DPP10: variants seen among roughly 807,000 people sequenced by gnomAD.
The protein encoded by DPP10 is inactive dipeptidyl peptidase 10.
A neutral mutation model predicts 120.9 loss-of-function variants in DPP10; 33 were observed. That is an observed-to-expected ratio of 0.27 (90% CI 0.21 to 0.37). DPP10 has a LOEUF of 0.37. DPP10 is among the 10% of genes least tolerant of loss of function. DPP10 has a pLI of 1.00. For synonymous variants in DPP10, 337 were observed against 326.1 expected (o/e 1.03, Z -0.36); for missense variants, 816 against 942.8 (o/e 0.87, Z 1.76).
intron 1 of DPP10, among the ~76,000 whole-genome samples, chr2:115,019,491 A>G (rs1023182576): frequency 6.6e-6 from 1 of 152,200 alleles, no homozygotes; most frequent in African/African-American, 2.4e-5. Flanking sequence ...ATTAAAAAAA[A>G]TGAACAAGGC....
At chr2:115,313,126 G>A (rs2061652035) in intron 2 of DPP10, among the ~76,000 whole-genome samples, 1 of 152,122 alleles carries the variant, frequency 6.6e-6, no homozygotes, top group Admixed American at 6.5e-5. Flanking sequence ...GGGAGGCTGA[G>A]GCAGGAGAAT....
chr2:115,552,922 G>C (rs1303598945), intron 5 of DPP10, among the ~76,000 whole-genome samples: 3 of 151,936 alleles, frequency 2.0e-5, no homozygotes, highest in Non-Finnish European at 4.4e-5. Context: ...TTATGCAAAA[G>C]TTACACTTTA....
rs150591375 is a variant in DPP10 at position 115,262,563 on chromosome 2, G to A, written c.61-46676G>A. ...ATATTAATATAACATTTTTATAAAC[G>A]TATTGTTTCTGTTTCAAACATGAGT... On this transcript the variant is annotated intron_variant, in intron 1 of 25. Coordinates refer to ENST00000410059, the MANE Select transcript of DPP10 (RefSeq NM_020868.6). Among the ~76,000 whole-genome samples, 271 of 151,948 alleles carry A rather than the reference G, an allele frequency of 1.8e-3. 2 individuals are homozygous for A. Among genetic ancestry groups the A allele is most frequent in the African/African-American group, 6.1e-3 (254 of 41,448 alleles).
chr2:115,279,975 T>C lies in DPP10; in HGVS notation c.61-29264T>C, dbSNP rs570808573. 2.6e-5 allele frequency among the ~76,000 whole-genome samples: 4 copies of C among 152,284 alleles called. No individual in the cohort carries two copies. The East Asian group carries it at 7.7e-4, about 29-fold the overall frequency. On this transcript the variant is annotated intron_variant, in intron 1 of 25. Coordinates refer to ENST00000410059, the MANE Select transcript of DPP10 (RefSeq NM_020868.6). ...GACACTTTAAGCTTTCTTATGATAC[T>C]CACTTTTTTCTTTCCTACACTGTTA...
intron 1 of DPP10, among the ~76,000 whole-genome samples, chr2:114,899,911 G>A (rs370800135): frequency 1.1e-4 from 16 of 152,224 alleles, no homozygotes; most frequent in African/African-American, 3.9e-4. Context: ...AGTGAGCCAA[G>A]ATCGCACCAC....
In DPP10 at chr2:114,547,979, G is replaced by A. The variant is rs114078870; in HGVS notation, c.60+105141G>A. Among the ~76,000 whole-genome samples, 693 of 152,186 alleles carry A rather than the reference G, an allele frequency of 4.6e-3. 2 individuals are homozygous for A. The highest frequency in any genetic ancestry group is 0.016 in the African/African-American group (662 of 41,506). ...CTGGTGCCTTCTTCTGATAGAAAAAGGACCAGCAGCCCCACTGCAGGGACC... is the reference window on the plus strand; with the variant it reads ...CTGGTGCCTTCTTCTGATAGAAAAAAGACCAGCAGCCCCACTGCAGGGACC... On this transcript the variant is annotated intron_variant, in intron 1 of 25. Transcript: ENST00000410059.
chr2:115,218,829 A>G (rs1338652298), intron 1 of DPP10, among the ~76,000 whole-genome samples: 1 of 152,136 alleles, frequency 6.6e-6, no homozygotes, highest in Non-Finnish European at 1.5e-5. Flanking sequence ...AACAGAAAAT[A>G]TTACTGAATT....
intron 1 of DPP10, among the ~76,000 whole-genome samples, chr2:114,765,960 T>TGTGA (rs1680672952): frequency 6.6e-6 from 1 of 152,134 alleles, no homozygotes; most frequent in African/African-American, 2.4e-5. Context: ...CTCAATCAAA[T>TGTGA]GTGAGTTCAC....
chr2:115,787,385 G>A (rs1683460970), intron 17 of DPP10, among the ~76,000 whole-genome samples: 1 of 152,146 alleles, frequency 6.6e-6, no homozygotes, highest in Non-Finnish European at 1.5e-5. Context: ...AAGAATGAAT[G>A]TAGAGAGAAA....
intron 1 of DPP10, among the ~76,000 whole-genome samples, chr2:115,021,478 A>G (rs1052633557): frequency 3.3e-5 from 5 of 152,090 alleles, no homozygotes; most frequent in African/African-American, 9.7e-5. Flanking sequence ...AAGATATACA[A>G]TCTCTGAATA....
chr2:115,789,921 A>G (rs962198013), intron 17 of DPP10, among the ~76,000 whole-genome samples: 4 of 152,224 alleles, frequency 2.6e-5, no homozygotes, highest in Non-Finnish European at 4.4e-5. Flanking sequence ...TAAAATCTGT[A>G]TAATACTGCT....
rs1016852500 is a variant in DPP10 at position 115,637,389 on chromosome 2, T to C, written c.442-52298T>C. Among the ~76,000 whole-genome samples, 5 of 151,876 alleles carry C rather than the reference T, an allele frequency of 3.3e-5. No homozygotes were observed. The East Asian group carries it at 9.7e-4, about 29-fold the overall frequency. ...GTTAATTGTTTTTAAATTAGCATAA[T>C]CACAAAAAATATAGATGCAAAGTAC... On this transcript the variant is annotated intron_variant, in intron 5 of 25. Coordinates refer to ENST00000410059, the MANE Select transcript of DPP10 (RefSeq NM_020868.6).
rs369682275 is a variant in DPP10, at chr2:114,646,811, T to C, written c.60+203973T>C. On this transcript the variant is annotated intron_variant, in intron 1 of 25. Transcript: ENST00000410059. ...GAAACCTGAAGCTGATTTCTTGGCC[T>C]TTCTCTTTAACTCATTCCTCTTTCT... 3.5e-4 allele frequency among the ~76,000 whole-genome samples: 54 copies of C among 152,340 alleles called. No individual in the cohort carries two copies. In the East Asian group the frequency reaches 5.6e-3, roughly 16 times the overall value.
chr2:115,483,376 C>G (rs977889243), intron 3 of DPP10, among the ~76,000 whole-genome samples: 1 of 152,058 alleles, frequency 6.6e-6, no homozygotes, highest in African/African-American at 2.4e-5. Context: ...AGAATTTCAA[C>G]CCAAATCTCT....
At chr2:115,244,729 A>G (rs576833234) in intron 1 of DPP10, among the ~76,000 whole-genome samples, 20 of 151,706 alleles carry the variant, frequency 1.3e-4, no homozygotes, top group South Asian at 8.3e-4. Flanking sequence ...GATTCTATAT[A>G]TACTGTTTTT....
intron 5 of DPP10, among the ~76,000 whole-genome samples, chr2:115,587,149 G>A (rs1411519062): frequency 7.3e-6 from 1 of 136,070 alleles, no homozygotes; most frequent in East Asian, 2.2e-4. Context: ...TCAGGCTGGA[G>A]TCCAGTGGCA....
chr2:115,142,333 A>G (rs567157310), intron 1 of DPP10, among the ~76,000 whole-genome samples: 84 of 152,234 alleles, frequency 5.5e-4, no homozygotes, highest in Admixed American at 7.9e-4. Flanking sequence ...TGGCTTCTGG[A>G]ATACAGGAAA....
chr2:115,386,684 GGGGGC>G (rs1285731237), intron 3 of DPP10, among the ~76,000 whole-genome samples: 1 of 152,104 alleles, frequency 6.6e-6, no homozygotes, highest in Non-Finnish European at 1.5e-5. Flanking sequence ...GAGAGAGGAG[GGGGGC>G]GCTGTTACAC....
intron 7 of DPP10, among the ~76,000 whole-genome samples, chr2:115,695,284 C>G (rs2091523945): frequency 6.6e-6 from 1 of 152,142 alleles, no homozygotes; most frequent in South Asian, 2.1e-4. Flanking sequence ...AAAGAACCAA[C>G]ATAACAAAAC....
Sources: gnomAD v4.1 joint callset for allele counts (sites outside exome capture counted in the v4.1 genomes callset) on GRCh38, gnomAD v4.1.1 for gene constraint, MANE v1.5 for transcripts, NCBI Gene and HGNC (gene_info 2026-07-23, HGNC 2026-07-21) for gene names.